Variants in SLC44A5 observed in about 807,000 individuals in gnomAD.
The protein encoded by SLC44A5 is solute carrier family 44 member 5.
Under a neutral mutation model 101.8 loss-of-function variants are expected in SLC44A5, and 57 were observed. That is an observed-to-expected ratio of 0.56 (90% confidence interval 0.45 to 0.70). The LOEUF is 0.70. SLC44A5 is among the 30% of genes least tolerant of loss of function. The pLI is 0.00. For missense variants in SLC44A5, 737 were observed against 853.1 expected (o/e 0.86, Z 1.70); for synonymous variants, 281 against 290.9 (o/e 0.97, Z 0.35).
At chr1:75,289,005 A>T (rs184718304) in intron 5 of SLC44A5, among the ~76,000 whole-genome samples, 168 of 152,332 alleles carry the variant, frequency 1.1e-3, no homozygotes, top group Non-Finnish European at 3.5e-4. Context: ...TTGATGCCTT[A>T]TAAAGACACA....
chr1:75,583,028 C>T (rs1673786683), intron 1 of SLC44A5, among the ~76,000 whole-genome samples: 4 of 152,128 alleles, frequency 2.6e-5, no homozygotes, highest in Admixed American at 2.6e-4. Flanking sequence ...TTTTGTCATC[C>T]AGTATTAAAA....
intron 3 of SLC44A5, among the ~76,000 whole-genome samples, chr1:75,363,909 C>T (rs1379689672): frequency 1.3e-5 from 2 of 152,148 alleles, no homozygotes; most frequent in East Asian, 1.9e-4. Flanking sequence ...TTTTGTGTTC[C>T]TCATTCCTGA....
At chr1:75,482,325 A>G (rs1667917409) in intron 2 of SLC44A5, among the ~76,000 whole-genome samples, 1 of 152,126 alleles carries the variant, frequency 6.6e-6, no homozygotes, top group South Asian at 2.1e-4. Flanking sequence ...ATGCTAAATG[A>G]CGAGTTAATG....
At chr1:75,513,698 CA>C (rs1188425557) in intron 2 of SLC44A5, among the ~76,000 whole-genome samples, 22 of 152,148 alleles carry the variant, frequency 1.4e-4, no homozygotes, top group Non-Finnish European at 1.3e-4. Context: ...TAGAGGTAGA[CA>C]AGGAGTTCCA....
At chr1:75,453,962 T>C (rs576455303) in intron 2 of SLC44A5, among the ~76,000 whole-genome samples, 30 of 152,106 alleles carry the variant, frequency 2.0e-4, no homozygotes, top group African/African-American at 7.2e-4. Context: ...CCAAATTCTA[T>C]CAGACATACA....
intron 1 of SLC44A5, among the ~76,000 whole-genome samples, chr1:75,542,441 TTTAA>T (rs1198271782): frequency 6.6e-6 from 1 of 152,138 alleles, no homozygotes; most frequent in African/African-American, 2.4e-5. Context: ...AAATGAATAT[TTTAA>T]TTAATTATTT....
chr1:75,414,863 G>C (rs978435490), intron 2 of SLC44A5, among the ~76,000 whole-genome samples: 2 of 152,188 alleles, frequency 1.3e-5, no homozygotes, highest in Non-Finnish European at 1.5e-5. Context: ...ACAATAGTAA[G>C]AAGACTTTAT....
At chr1:75,443,502 A>G (rs1029502420) in intron 2 of SLC44A5, among the ~76,000 whole-genome samples, 4 of 152,048 alleles carry the variant, frequency 2.6e-5, no homozygotes, top group Non-Finnish European at 2.9e-5. Flanking sequence ...AAATGTATAA[A>G]TTCATAGAAA....
intron 9 of SLC44A5, among the ~76,000 whole-genome samples, chr1:75,241,695 C>CTG (rs768942746): frequency 3.9e-5 from 6 of 152,002 alleles, no homozygotes; most frequent in South Asian, 2.1e-4. Flanking sequence ...ATGAGCATAT[C>CTG]TGTGTGTGTG....
At chr1:75,482,200 C>T (rs1667905053) in intron 2 of SLC44A5, among the ~76,000 whole-genome samples, 1 of 150,170 alleles carries the variant, frequency 6.7e-6, no homozygotes, top group Non-Finnish European at 1.5e-5. Context: ...TGTTCTCACT[C>T]ATAGGTGGGA....
intron 5 of SLC44A5, among the ~76,000 whole-genome samples, chr1:75,278,507 A>G (rs575489006): frequency 6.6e-6 from 1 of 152,184 alleles, no homozygotes; most frequent in South Asian, 2.1e-4. Context: ...ATCTTGAAAT[A>G]ATAGTCACAG....
At chr1:75,600,597 T>C (rs1043775815) in intron 1 of SLC44A5, among the ~76,000 whole-genome samples, 1 of 152,162 alleles carries the variant, frequency 6.6e-6, no homozygotes, top group African/African-American at 2.4e-5. Context: ...AGTACAGTCA[T>C]GTGCCACATA....
At chr1:75,714,834 C>G in the SLC44A5 span, among the ~76,000 whole-genome samples, 2 of 152,142 alleles carry the variant, frequency 1.3e-5, no homozygotes, top group Non-Finnish European at 2.9e-5. Context: ...CCACCACACC[C>G]AGCTAATTTT....
At chr1:75,285,752 T>A (rs988748810) in intron 5 of SLC44A5, among the ~76,000 whole-genome samples, 1 of 152,128 alleles carries the variant, frequency 6.6e-6, no homozygotes, top group East Asian at 1.9e-4. Context: ...GAGCAGGTTA[T>A]TTAATTTCCA....
chr1:75,483,654 TA>T (rs1667995030), intron 2 of SLC44A5, among the ~76,000 whole-genome samples: 5 of 152,212 alleles, frequency 3.3e-5, no homozygotes, highest in Admixed American at 3.3e-4. Context: ...CAAAAAATGT[TA>T]ATTATGTTAC....
At chr1:75,261,881 A>G (rs1650540767) in intron 6 of SLC44A5, among the ~76,000 whole-genome samples, 1 of 152,150 alleles carries the variant, frequency 6.6e-6, no homozygotes, top group Non-Finnish European at 1.5e-5. Flanking sequence ...ATAACAACCA[A>G]TGACCAAAAA....
chr1:75,364,041 T>C (rs546890522), intron 3 of SLC44A5, among the ~76,000 whole-genome samples: 4 of 152,282 alleles, frequency 2.6e-5, no homozygotes, highest in African/African-American at 7.2e-5. Context: ...GACAGATGTA[T>C]TGGGACTTAC....
intron 5 of SLC44A5, among the ~76,000 whole-genome samples, chr1:75,291,218 C>T: frequency 6.6e-6 from 1 of 152,122 alleles, no homozygotes; most frequent in East Asian, 1.9e-4. Context: ...TTTTGATTCA[C>T]ATTAGAAGAT....
the SLC44A5 span, among the ~76,000 whole-genome samples, chr1:75,647,378 T>C: frequency 5.9e-5 from 9 of 152,180 alleles, no homozygotes; most frequent in Non-Finnish European, 1.0e-4. Flanking sequence ...AGAGCCCTCA[T>C]GGAAAATCTC....
Sources: allele counts gnomAD v4.1 joint callset (sites outside exome capture counted in the v4.1 genomes callset), GRCh38; gene constraint gnomAD v4.1.1; transcripts MANE v1.5; gene names NCBI Gene and HGNC (gene_info 2026-07-23, HGNC 2026-07-21).